KITLG: variants seen among roughly 807,000 people sequenced by gnomAD.
KITLG encodes KIT ligand.
Under a neutral mutation model 34.1 loss-of-function variants are expected in KITLG, and 13 were observed. The observed-to-expected ratio is 0.38, with a 90% CI of 0.25 to 0.61. KITLG has a LOEUF of 0.61. Ranked by LOEUF, KITLG falls within the 20% of genes least tolerant of loss-of-function variation. The probability of loss-of-function intolerance (pLI) is 0.60; values close to 1 mark genes in which losing one functional copy is unlikely to be tolerated. For missense variants in KITLG, 292 were observed against 318.9 expected (o/e 0.92, Z 0.64); for synonymous variants, 110 against 104.0 (o/e 1.06, Z -0.35).
chr12:88,548,952 G>A (rs1870806448), intron 1 of KITLG, among the ~76,000 whole-genome samples: 1 of 152,270 alleles, frequency 6.6e-6, no homozygotes, highest in East Asian at 1.9e-4. Context: ...GAAACAGCTT[G>A]AAATTTTTAA....
chr12:88,504,442 AG>A (rs1253866859), intron 9 of KITLG, among the ~76,000 whole-genome samples: 1 of 152,190 alleles, frequency 6.6e-6, no homozygotes, highest in East Asian at 1.9e-4. Context: ...CCCATCAAAA[AG>A]TGGGCGAAGG....
chr12:88,515,224 G>T (rs1352183307), intron 6 of KITLG, among the ~76,000 whole-genome samples: 1 of 151,570 alleles, frequency 6.6e-6, no homozygotes, highest in African/African-American at 2.4e-5. Context: ...GTTTTTGTCA[G>T]ACACATTCCA....
intron 1 of KITLG, among the ~76,000 whole-genome samples, chr12:88,577,918 T>G (rs907926528): frequency 6.6e-6 from 1 of 152,314 alleles, no homozygotes; most frequent in East Asian, 1.9e-4. Flanking sequence ...TGTGGGGTAG[T>G]AGGAGAGTAC....
intron 1 of KITLG, among the ~76,000 whole-genome samples, chr12:88,554,220 G>T (rs1345328352): frequency 6.6e-6 from 1 of 152,042 alleles, no homozygotes; most frequent in Non-Finnish European, 1.5e-5. Flanking sequence ...GACATATGCT[G>T]TTCAAGAAAC....
chr12:88,519,640 A>G (rs11104914), intron 3 of KITLG, among the ~76,000 whole-genome samples: 11,909 of 152,028 alleles, frequency 0.078, 513 homozygotes, highest in Non-Finnish European at 0.1. Context: ...AATTTTTTAC[A>G]GAGACAGGCT....
chr12:88,528,728 T>A (rs1391800228), intron 3 of KITLG, among the ~76,000 whole-genome samples: 2 of 152,178 alleles, frequency 1.3e-5, no homozygotes, highest in South Asian at 4.1e-4. Context: ...CATGCATACA[T>A]AGAAAGAAAG....
intron 1 of KITLG, among the ~76,000 whole-genome samples, chr12:88,549,968 G>T (rs1156972630): frequency 6.6e-6 from 1 of 152,134 alleles, no homozygotes; most frequent in East Asian, 1.9e-4. Flanking sequence ...TATGTCAAAT[G>T]CCAGTTATAG....
chr12:88,545,890 T>C (rs762173997), intron 1 of KITLG, 25 bp from the exon 2 acceptor site: 1 of 1,384,164 alleles, frequency 7.2e-7, no homozygotes, highest in Non-Finnish European at 1.0e-6. Context: ...AAAAATTGCT[T>C]GGTGATCATC....
At chr12:88,527,500 A>G (rs1869917913) in intron 3 of KITLG, among the ~76,000 whole-genome samples, 1 of 152,212 alleles carries the variant, frequency 6.6e-6, no homozygotes, top group African/African-American at 2.4e-5. Context: ...ACATGCTGCC[A>G]ATCACTTCCA....
intron 4 of KITLG, among the ~76,000 whole-genome samples, chr12:88,517,453 T>C (rs1258839739): frequency 6.6e-6 from 1 of 152,082 alleles, no homozygotes; most frequent in Non-Finnish European, 1.5e-5. Context: ...AGAAATATAA[T>C]TGGTAATCTC....
At chr12:88,546,511 C>G (rs995450040) in intron 1 of KITLG, among the ~76,000 whole-genome samples, 1 of 152,194 alleles carries the variant, frequency 6.6e-6, no homozygotes, top group East Asian at 1.9e-4. Context: ...CTCGAACACA[C>G]ATAACCTACA....
chr12:88,548,270 A>AT (rs1870782948), intron 1 of KITLG, among the ~76,000 whole-genome samples: 2 of 152,138 alleles, frequency 1.3e-5, no homozygotes, highest in Non-Finnish European at 2.9e-5. Flanking sequence ...CCTGGCCAAC[A>AT]TGGTGAATCC....
chr12:88,527,580 T>C (rs1869923366), intron 3 of KITLG, among the ~76,000 whole-genome samples: 1 of 152,234 alleles, frequency 6.6e-6, no homozygotes, highest in Admixed American at 6.5e-5. Context: ...TTCAGGTAAG[T>C]ATCATCAATA....
chr12:88,543,550 T>C (rs1592576266), intron 2 of KITLG, among the ~76,000 whole-genome samples: 1 of 152,308 alleles, frequency 6.6e-6, no homozygotes, highest in East Asian at 1.9e-4. Context: ...GTCTTTGCTA[T>C]TGTGAATAGA....
chr12:88,520,311 G>A (rs764467840), intron 3 of KITLG, among the ~76,000 whole-genome samples: 1 of 152,144 alleles, frequency 6.6e-6, no homozygotes, highest in Non-Finnish European at 1.5e-5. Context: ...TCTTTCCTTG[G>A]ATGCTGAATT....
chr12:88,574,921 A>G (rs1871780761), intron 1 of KITLG, among the ~76,000 whole-genome samples: 1 of 152,210 alleles, frequency 6.6e-6, no homozygotes, highest in Admixed American at 6.5e-5. Context: ...ACAAAGAAAT[A>G]TCAAGCAGTA....
chr12:88,538,171 G>C (rs1347957866), intron 2 of KITLG, among the ~76,000 whole-genome samples: 1 of 152,014 alleles, frequency 6.6e-6, no homozygotes, highest in African/African-American at 2.4e-5. Context: ...ATAGAGGAAG[G>C]GTCTTATGCA....
intron 3 of KITLG, among the ~76,000 whole-genome samples, chr12:88,525,940 T>C (rs957430551): frequency 6.6e-6 from 1 of 152,130 alleles, no homozygotes; most frequent in African/African-American, 2.4e-5. Flanking sequence ...AGATGACCAC[T>C]AAGATGGGTT....
intron 3 of KITLG, among the ~76,000 whole-genome samples, chr12:88,523,657 A>G (rs1869759850): frequency 6.6e-6 from 1 of 152,196 alleles, no homozygotes; most frequent in Non-Finnish European, 1.5e-5. Context: ...GAAAGCTGAC[A>G]TTCTACTCTC....
Sources: gnomAD v4.1 joint callset for allele counts (sites outside exome capture counted in the v4.1 genomes callset) on GRCh38, gnomAD v4.1.1 for gene constraint, MANE v1.5 for transcripts, NCBI Gene and HGNC (gene_info 2026-07-23, HGNC 2026-07-21) for gene names.